Variants in LRRC4C observed in about 807,000 individuals in gnomAD.
The protein encoded by LRRC4C is leucine-rich repeat-containing protein 4C.
Under a neutral mutation model 33.6 loss-of-function variants are expected in LRRC4C, and 5 were observed. The ratio of observed to expected loss-of-function variants is 0.15; its 90% CI spans 0.08 to 0.31. The LOEUF (loss-of-function observed/expected upper bound fraction) is 0.31, where lower values mean the gene tolerates loss of function less well. LRRC4C is among the 10% of genes least tolerant of loss of function. The probability of loss-of-function intolerance (pLI) is 1.00; values close to 1 mark genes in which losing one functional copy is unlikely to be tolerated. For missense variants in LRRC4C, 560 were observed against 796.7 expected (o/e 0.70, Z 3.58); for synonymous variants, 329 against 302.0 (o/e 1.09, Z -0.93).
At chr11:40,963,645 T>C (rs1054483844) in intron 1 of LRRC4C, among the ~76,000 whole-genome samples, 1 of 151,740 alleles carries the variant, frequency 6.6e-6, no homozygotes, top group African/African-American at 2.4e-5. Flanking sequence ...TAATTCCTCC[T>C]TTAGCATTGA....
chr11:40,367,443 A>G (rs1007015699), intron 3 of LRRC4C, among the ~76,000 whole-genome samples: 7 of 152,102 alleles, frequency 4.6e-5, no homozygotes, highest in African/African-American at 1.4e-4. Context: ...CAACATTTTG[A>G]TGCTGCACTA....
chr11:41,130,097 A>C (rs1336310753), intron 1 of LRRC4C, among the ~76,000 whole-genome samples: 1 of 151,988 alleles, frequency 6.6e-6, no homozygotes, highest in East Asian at 1.9e-4. Context: ...CACAAAGTCA[A>C]ACTTGACTTT....
chr11:41,099,899 T>C (rs1164029883), intron 1 of LRRC4C, among the ~76,000 whole-genome samples: 1 of 152,086 alleles, frequency 6.6e-6, no homozygotes, highest in Non-Finnish European at 1.5e-5. Context: ...TGTCAAACTA[T>C]CTCTCTTTGT....
chr11:40,211,397 A>T lies in LRRC4C; in HGVS notation c.-96+30122T>A, dbSNP rs930203612. On this transcript the variant is annotated intron_variant, in intron 5 of 6. Coordinates refer to ENST00000528697, the MANE Select transcript of LRRC4C (RefSeq NM_001258419.2). ...TTTTGAAAGCAAGTGGTGTATATTT[A>T]AAAAAACTTGAATAAAACTAAAACA... Among the ~76,000 whole-genome samples, 21 of 152,224 alleles carry T rather than the reference A, an allele frequency of 1.4e-4. 1 individual carries two copies. Among genetic ancestry groups the T allele is most frequent in the South Asian group, 4.1e-4 (2 of 4,834 alleles).
intron 2 of LRRC4C, among the ~76,000 whole-genome samples, chr11:40,881,392 C>G (rs1017083058): frequency 6.6e-6 from 1 of 152,098 alleles, no homozygotes; most frequent in Admixed American, 6.6e-5. Context: ...TACACAAACA[C>G]TTTTTTCTTT....
At chr11:40,434,337 C>T (rs2137887852) in intron 3 of LRRC4C, among the ~76,000 whole-genome samples, 1 of 152,310 alleles carries the variant, frequency 6.6e-6, no homozygotes, top group African/African-American at 2.4e-5. Flanking sequence ...AGAGCTTTCA[C>T]AGGGTGTTAC....
intron 1 of LRRC4C, among the ~76,000 whole-genome samples, chr11:41,074,650 G>C (rs1489472834): frequency 6.6e-6 from 1 of 152,136 alleles, no homozygotes; most frequent in African/African-American, 2.4e-5. Flanking sequence ...CAAAGAACAG[G>C]GGAAATAGGC....
chr11:41,358,861 T>A (rs75553549), intron 1 of LRRC4C, among the ~76,000 whole-genome samples: 1,758 of 152,276 alleles, frequency 0.012, 39 homozygotes, highest in African/African-American at 0.04. Flanking sequence ...CCAACCATCA[T>A]GCTCCTTGCT....
chr11:40,347,584 T>C (rs1449937454), intron 3 of LRRC4C, among the ~76,000 whole-genome samples: 1 of 152,202 alleles, frequency 6.6e-6, no homozygotes, highest in Non-Finnish European at 1.5e-5. Flanking sequence ...AGATGTGCAA[T>C]ATTTCCTTTC....
intron 1 of LRRC4C, among the ~76,000 whole-genome samples, chr11:41,209,778 A>G (rs1946746947): frequency 6.6e-6 from 1 of 152,164 alleles, no homozygotes; most frequent in Non-Finnish European, 1.5e-5. Context: ...TTCTGGGACG[A>G]CAGAAGGTAA....
chr11:41,271,830 T>G (rs1193037491), intron 1 of LRRC4C, among the ~76,000 whole-genome samples: 1 of 152,120 alleles, frequency 6.6e-6, no homozygotes, highest in East Asian at 1.9e-4. Context: ...TCATCATGTC[T>G]CAAAGGAAAA....
intron 2 of LRRC4C, among the ~76,000 whole-genome samples, chr11:40,742,284 A>G: frequency 6.6e-6 from 1 of 152,056 alleles, no homozygotes; most frequent in Non-Finnish European, 1.5e-5. Flanking sequence ...TGCATCTGAG[A>G]ACAGGATTAG....
At chr11:40,786,494 T>C (rs1039139080) in intron 2 of LRRC4C, among the ~76,000 whole-genome samples, 2 of 152,196 alleles carry the variant, frequency 1.3e-5, no homozygotes, top group Non-Finnish European at 1.5e-5. Flanking sequence ...CAGAGCCACC[T>C]CAGCCAATGT....
chr11:40,478,001 GCT>G (rs777527278), intron 3 of LRRC4C, among the ~76,000 whole-genome samples: 14 of 152,170 alleles, frequency 9.2e-5, no homozygotes, highest in Non-Finnish European at 1.6e-4. Context: ...CCCTGCACAA[GCT>G]CTGTTTCTTT....
At chr11:40,196,043 T>A (rs1862236200) in intron 5 of LRRC4C, among the ~76,000 whole-genome samples, 1 of 152,206 alleles carries the variant, frequency 6.6e-6, no homozygotes, top group Non-Finnish European at 1.5e-5. Context: ...GAATTCTGCA[T>A]TTTTCCCAGA....
intron 1 of LRRC4C, among the ~76,000 whole-genome samples, chr11:41,024,935 T>C (rs1021999667): frequency 6.6e-6 from 1 of 151,664 alleles, no homozygotes; most frequent in Non-Finnish European, 1.5e-5. Flanking sequence ...ATTGTTATTA[T>C]ATCTGTTATG....
chr11:40,129,498 T>A (rs1856499572), intron 6 of LRRC4C, among the ~76,000 whole-genome samples: 1 of 152,206 alleles, frequency 6.6e-6, no homozygotes, highest in African/African-American at 2.4e-5. Context: ...ATAACATGAT[T>A]GCCTTGAAAA....
intron 1 of LRRC4C, among the ~76,000 whole-genome samples, chr11:41,031,826 C>G (rs1405009181): frequency 6.6e-6 from 1 of 151,946 alleles, no homozygotes; most frequent in African/African-American, 2.4e-5. Flanking sequence ...GGGCTGTTCC[C>G]CAATCTACAG....
chr11:40,336,560 C>T (rs1480458617), intron 3 of LRRC4C, among the ~76,000 whole-genome samples: 1 of 152,230 alleles, frequency 6.6e-6, no homozygotes, highest in East Asian at 1.9e-4. Flanking sequence ...TACTGTATTA[C>T]GCTGTTAAAA....
Sources: allele counts gnomAD v4.1 joint callset (sites outside exome capture counted in the v4.1 genomes callset), GRCh38; gene constraint gnomAD v4.1.1; transcripts MANE v1.5; gene names NCBI Gene and HGNC (gene_info 2026-07-23, HGNC 2026-07-21).